The following KAT6A variants were observed in gnomAD, a reference collection of about 807,000 sequenced individuals.
KAT6A encodes the protein lysine acetyltransferase 6A, also known as histone acetyltransferase KAT6A.
In KAT6A, 9 loss-of-function variants were observed where a neutral mutation model predicts 198.4. That is an observed-to-expected ratio of 0.05 (90% CI 0.03 to 0.08). The LOEUF is 0.08. Ranked by LOEUF, KAT6A falls within the 10% of genes least tolerant of loss-of-function variation. KAT6A has a pLI of 1.00. For synonymous variants in KAT6A, 890 were observed against 883.0 expected (o/e 1.01, Z -0.14); for missense variants, 2,077 against 2,509.9 (o/e 0.83, Z 3.69).
chr8:41,953,748 ACAGG>A (rs1822782509), intron 9 of KAT6A, among the ~76,000 whole-genome samples: 2 of 152,290 alleles, frequency 1.3e-5, no homozygotes, highest in South Asian at 4.1e-4. Context: ...TGCTGGGATT[ACAGG>A]CGTGTCCTTG....
At chr8:41,956,907 A>G (rs2150872191) in intron 8 of KAT6A, 1 of 397,020 alleles carries the variant, frequency 2.5e-6, no homozygotes, top group East Asian at 5.2e-5. Context: ...TAACTCATAA[A>G]GTACTATCTT....
chr8:41,949,113 C>T, intron 10 of KAT6A, 109 bp downstream of exon 10: 1 of 643,542 alleles, frequency 1.6e-6, no homozygotes, highest in Non-Finnish European at 2.4e-6. Context: ...GTACTTTTTC[C>T]ATTTTAGTGA....
In KAT6A at chr8:41,933,510, G is replaced by A; in HGVS notation, c.4710C>T (p.Asp1570=). The change falls in exon 17 of 17, where the codon GAC becomes GAT. Residue 1570 remains aspartate, a synonymous_variant. Coordinates refer to ENST00000265713, the MANE Select transcript of KAT6A (RefSeq NM_006766.5). This position sits in a 1 kb window ranked among gnomAD's most constrained non-coding sequence, Gnocchi z 6.2. ...TENYENPSSY[D]STMGGSICGN... is the part of the protein sequence containing the mutation. ...CACAGATGCTGCCGCCCATCGTGGAGTCGTAACTGCTTGGGTTCTCATAGT... is the reference window on the plus strand; with the variant it reads ...CACAGATGCTGCCGCCCATCGTGGAATCGTAACTGCTTGGGTTCTCATAGT... 2.5e-6 allele frequency: 4 copies of A among 1,614,122 alleles called. No homozygotes were observed. The highest frequency in any genetic ancestry group is 3.4e-6 in the Non-Finnish European group (4 of 1,180,000).
intron 2 of KAT6A, among the ~76,000 whole-genome samples, chr8:42,024,538 T>C (rs1826701963): frequency 6.6e-6 from 1 of 152,308 alleles, no homozygotes; most frequent in East Asian, 1.9e-4. Flanking sequence ...TTAGAACTTA[T>C]TCCTTCTAAC....
intron 2 of KAT6A, among the ~76,000 whole-genome samples, chr8:42,018,993 G>A (rs544974516): frequency 3.9e-5 from 6 of 152,158 alleles, no homozygotes; most frequent in Admixed American, 6.6e-5. Context: ...AAACTGAAAC[G>A]GATGAATTTA....
chr8:41,943,059 A>G (rs1822217876), intron 13 of KAT6A, 59 bp from the exon 14 acceptor site: 1 of 1,600,512 alleles, frequency 6.2e-7, no homozygotes, highest in Non-Finnish European at 8.5e-7. Flanking sequence ...ATAAAAATGA[A>G]TGTGGAGATG....
In KAT6A at chr8:41,934,252, T is replaced by C. The variant is rs1185795164; in HGVS notation, c.3968A>G (p.His1323Arg). ...DHDADDEDDG[H>R]LESTKKKELE... is the part of the protein sequence containing the mutation. ...CTCCTTTTTCTTTGTGGACTCCAGG[T>C]GGCCATCATCCTCATCATCAGCGTC... The change falls in exon 17 of 17, where the codon CAC becomes CGC. Residue 1323 changes from histidine to arginine, a missense_variant. This residue lies in a region of KAT6A where 375 missense variants were observed against 383.0 expected (regional missense o/e 0.98). Coordinates refer to ENST00000265713, the MANE Select transcript of KAT6A (RefSeq NM_006766.5). 19 of 1,614,098 alleles carry C rather than the reference T, an allele frequency of 1.2e-5. No homozygotes were observed. The highest frequency in any genetic ancestry group is 1.6e-5 in the Non-Finnish European group (19 of 1,180,046).
At chr8:41,973,380 C>A (rs546346432) in intron 8 of KAT6A, among the ~76,000 whole-genome samples, 21 of 152,056 alleles carry the variant, frequency 1.4e-4, no homozygotes, top group African/African-American at 5.1e-4. Flanking sequence ...CGTGTGCCAC[C>A]GGCTAATTTT....
intron 1 of KAT6A, among the ~76,000 whole-genome samples, chr8:42,051,190 G>C (rs1802611495): frequency 1.3e-5 from 2 of 151,972 alleles, no homozygotes; most frequent in South Asian, 2.1e-4. Flanking sequence ...GGGCGGCGCG[G>C]GTTGCTGGGA....
At chr8:42,030,585 GAC>G (rs1049700481) in intron 2 of KAT6A, among the ~76,000 whole-genome samples, 2 of 150,520 alleles carry the variant, frequency 1.3e-5, no homozygotes, top group African/African-American at 4.9e-5. Flanking sequence ...TTTTTTTTGA[GAC>G]ACAGTTTTGT....
intron 2 of KAT6A, chr8:42,043,717 T>C (rs910423094): frequency 8.5e-5 from 13 of 152,234 alleles, no homozygotes; most frequent in African/African-American, 2.7e-4. Flanking sequence ...AGTGCAGTGA[T>C]AGCCATCATA....
intron 2 of KAT6A, among the ~76,000 whole-genome samples, chr8:42,038,048 T>C (rs904780772): frequency 2.6e-5 from 4 of 152,218 alleles, no homozygotes; most frequent in Admixed American, 2.6e-4. Context: ...TTAATGTCTT[T>C]GGTAAAAATT....
intron 2 of KAT6A, among the ~76,000 whole-genome samples, chr8:42,005,796 A>ACACACTCACT (rs71239089): frequency 6.7e-6 from 1 of 148,794 alleles, no homozygotes; most frequent in Non-Finnish European, 1.5e-5. Flanking sequence ...ACACACACAC[A>ACACACTCACT]CACTCACTCT....
intron 3 of KAT6A, among the ~76,000 whole-genome samples, chr8:41,983,180 G>A (rs1011483972): frequency 3.9e-5 from 6 of 152,204 alleles, no homozygotes; most frequent in Non-Finnish European, 8.8e-5. Context: ...ACTGAAAAGA[G>A]CTGTCCCTCT....
intron 2 of KAT6A, among the ~76,000 whole-genome samples, chr8:42,026,179 T>C (rs1487087081): frequency 6.6e-6 from 1 of 152,238 alleles, no homozygotes. Flanking sequence ...TACAGCTTTG[T>C]AATATATTTT....
At chr8:42,013,260 CT>C (rs34675415) in intron 2 of KAT6A, among the ~76,000 whole-genome samples, 96,780 of 142,904 alleles carry the variant, frequency 0.68, 32,759 homozygotes, top group African/African-American at 0.8. Flanking sequence ...TTCTTTCTTT[CT>C]TTTTTTTTTT....
chr8:42,001,511 T>C (rs1477187427), intron 2 of KAT6A, among the ~76,000 whole-genome samples: 5 of 152,160 alleles, frequency 3.3e-5, no homozygotes, highest in African/African-American at 1.2e-4. Flanking sequence ...CATTCTAAAA[T>C]TTTTCTATGC....
Position 42,021,978 on chromosome 8 carries a change from A to G in KAT6A, c.600+26400T>C, listed in dbSNP as rs777346069. On this transcript the variant is annotated intron_variant, in intron 2 of 16. Coordinates refer to ENST00000265713, the MANE Select transcript of KAT6A (RefSeq NM_006766.5). ...AGTTAATACTTTTAATTATTGCACAAGTTTAACAATTTCAGTTTATCTCAA... is the reference window on the plus strand; with the variant it reads ...AGTTAATACTTTTAATTATTGCACAGGTTTAACAATTTCAGTTTATCTCAA... Among the ~76,000 whole-genome samples, 7 of 152,154 alleles carry G rather than the reference A, an allele frequency of 4.6e-5. No homozygotes were observed. The South Asian group carries it at 8.3e-4, about 18-fold the overall frequency.
intron 2 of KAT6A, among the ~76,000 whole-genome samples, chr8:41,999,903 T>C (rs1825403461): frequency 6.6e-6 from 1 of 152,250 alleles, no homozygotes; most frequent in African/African-American, 2.4e-5. Context: ...AAGTTATGGC[T>C]GTGTAATTCA....
Sources: gnomAD v4.1 joint callset for allele counts (sites outside exome capture counted in the v4.1 genomes callset) on GRCh38, gnomAD v4.1.1 for gene constraint, gnomAD v4.1.1 regional missense constraint, Gnocchi (gnomAD v3.1) non-coding constraint, MANE v1.5 for transcripts, NCBI Gene and HGNC (gene_info 2026-07-23, HGNC 2026-07-21) for gene names.